The following SYNE2 variants were observed in gnomAD, a reference collection of about 807,000 sequenced individuals.
SYNE2 encodes spectrin repeat containing nuclear envelope protein 2.
SYNE2 carries 431 observed loss-of-function variants against 856.3 expected under a neutral mutation model. That is an observed-to-expected ratio of 0.50 (90% CI 0.47 to 0.55). SYNE2 has a LOEUF of 0.55. SYNE2 is among the 20% of genes least tolerant of loss of function. The probability of loss-of-function intolerance (pLI) is 0.00; values close to 1 mark genes in which losing one functional copy is unlikely to be tolerated. For synonymous variants in SYNE2, 2,923 were observed against 2,872.3 expected (o/e 1.02, Z -0.56); for missense variants, 8,129 against 8,023.2 (o/e 1.01, Z -0.50).
At chr14:64,108,910 C>G (rs951347248) in intron 65 of SYNE2, among the ~76,000 whole-genome samples, 23 of 151,986 alleles carry the variant, frequency 1.5e-4, no homozygotes, top group African/African-American at 5.3e-4. Context: ...TGGTCTCACT[C>G]TTCACCCAGG....
chr14:63,956,966 T>C (rs1429986787), intron 8 of SYNE2, among the ~76,000 whole-genome samples: 3 of 152,154 alleles, frequency 2.0e-5, no homozygotes, highest in Non-Finnish European at 2.9e-5. Context: ...TTACTCTCCA[T>C]TTACCCCTAA....
At chr14:64,219,962 G>A (rs1242799163) in intron 110 of SYNE2, among the ~76,000 whole-genome samples, 1 of 152,226 alleles carries the variant, frequency 6.6e-6, no homozygotes, top group Non-Finnish European at 1.5e-5. Context: ...CTTTAAGGGT[G>A]CCATGAGCAG....
intron 17 of SYNE2, 76 bp from the exon 18 acceptor site, chr14:63,983,661 C>T (rs2096603505): frequency 8.4e-7 from 1 of 1,193,006 alleles, no homozygotes. Context: ...TATATTACAT[C>T]CACTTACTGT....
chr14:63,952,751 A>C (rs1211612075), intron 7 of SYNE2, among the ~76,000 whole-genome samples: 1 of 152,258 alleles, frequency 6.6e-6, no homozygotes, highest in Non-Finnish European at 1.5e-5. Context: ...ACTGCTATGT[A>C]GTTTATTACA....
At chr14:64,207,873 C>CA in intron 100 of SYNE2, 1 of 388,014 alleles carries the variant, frequency 2.6e-6, no homozygotes, top group South Asian at 2.0e-5. Context: ...GGTCTCATGT[C>CA]ACTTGTCACA....
In SYNE2 at chr14:63,997,400, T is replaced by C. The variant is rs750183858; in HGVS notation, c.3243+9T>C. On this transcript the variant is annotated intron_variant, in intron 25 of 115. Coordinates refer to ENST00000555002, the MANE Select transcript of SYNE2 (RefSeq NM_182914.3). The stretch of plus-strand genomic sequence containing the variant: ...AGCCATCAACTGAAAAGGTGTTAAA[T>C]GTGGATAATGTATTTTAGAAGTAAA... The C allele has an allele frequency of 6.2e-7, 1 of 1,603,880 alleles. No individual in the cohort carries two copies. The highest frequency in any genetic ancestry group is 8.5e-7 in the Non-Finnish European group (1 of 1,173,610).
At chr14:64,047,267 T>C (rs964850262) in intron 45 of SYNE2, among the ~76,000 whole-genome samples, 7 of 152,182 alleles carry the variant, frequency 4.6e-5, no homozygotes, top group Admixed American at 2.6e-4. Flanking sequence ...CTGGTGTCTT[T>C]ATAGGCACAG....
intron 19 of SYNE2, 137 bp downstream of exon 19, chr14:63,986,754 A>AT: frequency 1.0e-6 from 1 of 964,742 alleles, no homozygotes; most frequent in Non-Finnish European, 1.6e-6. Context: ...AAATGAATGG[A>AT]TTTTATCCCT....
chr14:64,215,741 G>T, intron 107 of SYNE2: 2 of 395,676 alleles, frequency 5.1e-6, no homozygotes, highest in Non-Finnish European at 9.1e-6. Context: ...GGGGTGGGGG[G>T]TTGGGGCGGT....
intron 1 of SYNE2, among the ~76,000 whole-genome samples, chr14:63,853,495 C>T (rs1018230749): frequency 5.9e-5 from 9 of 151,700 alleles, no homozygotes; most frequent in Non-Finnish European, 1.2e-4. Flanking sequence ...GGAGGCTGTG[C>T]CCGGGTGCCC....
At chr14:64,069,815 A>G (rs2097390081) in intron 51 of SYNE2, among the ~76,000 whole-genome samples, 1 of 152,178 alleles carries the variant, frequency 6.6e-6, no homozygotes, top group Non-Finnish European at 1.5e-5. Flanking sequence ...TCAGGTCCTC[A>G]CCATTTCAGT....
chr14:63,820,536 A>T (rs540082172), intron 1 of SYNE2, among the ~76,000 whole-genome samples: 2 of 152,316 alleles, frequency 1.3e-5, no homozygotes, highest in East Asian at 1.9e-4. Flanking sequence ...AGAAAATTTT[A>T]AAAATTTGAT....
At chr14:63,825,318 A>T (rs994853143) in intron 1 of SYNE2, among the ~76,000 whole-genome samples, 1 of 152,206 alleles carries the variant, frequency 6.6e-6, no homozygotes. Context: ...AATTGTCTTT[A>T]ATGGCAATAA....
chr14:63,918,343 A>G (rs2095556364), intron 2 of SYNE2, among the ~76,000 whole-genome samples: 1 of 152,224 alleles, frequency 6.6e-6, no homozygotes, highest in Non-Finnish European at 1.5e-5. Context: ...ATTGGTGATT[A>G]TAGTTTCCTG....
intron 21 of SYNE2, among the ~76,000 whole-genome samples, chr14:63,992,593 T>C (rs765924766): frequency 1.1e-4 from 17 of 152,186 alleles, no homozygotes; most frequent in Non-Finnish European, 2.1e-4. Context: ...TTGGCTCCTT[T>C]ACCAGAGAAG....
intron 60 of SYNE2, 54 bp from the exon 61 acceptor site, chr14:64,093,295 A>G: frequency 1.2e-6 from 2 of 1,600,190 alleles, no homozygotes; most frequent in Non-Finnish European, 1.7e-6. Context: ...AAAATAGTCC[A>G]TTAATCTGCT....
At chr14:64,182,587 G>A (rs2098463761) in intron 96 of SYNE2, among the ~76,000 whole-genome samples, 1 of 152,074 alleles carries the variant, frequency 6.6e-6, no homozygotes, top group African/African-American at 2.4e-5. Context: ...GAGTGGTGAT[G>A]ACTCTTAACG....
intron 61 of SYNE2, among the ~76,000 whole-genome samples, 198 bp from the exon 62 acceptor site, chr14:64,097,751 G>T (rs1415249997): frequency 6.6e-6 from 1 of 152,204 alleles, no homozygotes; most frequent in Non-Finnish European, 1.5e-5. Flanking sequence ...GCATCCTATA[G>T]CTTATAAACC....
chr14:64,080,513 G>T lies in SYNE2; in HGVS notation c.11221G>T (p.Val3741Phe). Residue 3741 changes from valine to phenylalanine, a missense_variant, in exon 56 of 116, where the codon GTT becomes TTT. Around this residue, in one of 3 missense-constraint regions of SYNE2, gnomAD observed 5,410 missense variants for 5,284.8 expected, o/e 1.02. Transcript: ENST00000555002. ...HSKLNELDSE[V>F]QDIVEQDPGQ... ...CAAACTAAATGAGCTGGATTCTGAAGTTCAGGACATTGTTGAACAGGACCC... is the reference window on the plus strand; with the variant it reads ...CAAACTAAATGAGCTGGATTCTGAATTTCAGGACATTGTTGAACAGGACCC... The T allele has an allele frequency of 2.5e-6, 4 of 1,614,196 alleles. No homozygotes were observed. The highest frequency in any genetic ancestry group is 3.4e-6 in the Non-Finnish European group (4 of 1,180,026).
Sources: gnomAD v4.1 joint callset for allele counts (sites outside exome capture counted in the v4.1 genomes callset) on GRCh38, gnomAD v4.1.1 for gene constraint, gnomAD v4.1.1 regional missense constraint, MANE v1.5 for transcripts, NCBI Gene and HGNC (gene_info 2026-07-23, HGNC 2026-07-21) for gene names.